Variants in MGAM2 observed in about 807,000 individuals in gnomAD.
MGAM2 encodes probable maltase-glucoamylase 2.
MGAM2 carries 98 observed loss-of-function variants against 96.1 expected under a neutral mutation model. The ratio of observed to expected loss-of-function variants is 1.02; its 90% CI spans 0.87 to 1.21. MGAM2 has a LOEUF of 1.21. Among genes scored for constraint, MGAM2 ranks in the 50% most tolerant of loss-of-function variants. The pLI is 0.00. For missense variants in MGAM2, 2,055 were observed against 1,182.4 expected (o/e 1.74, Z -10.82); for synonymous variants, 749 against 414.8 (o/e 1.81, Z -9.79).
At chr7:142,169,970 A>G (rs1235610739) in intron 26 of MGAM2, 105 bp from the exon 27 acceptor site, 4 of 579,180 alleles carry the variant, frequency 6.9e-6, no homozygotes. Flanking sequence ...GCCTACTGAT[A>G]TGGTGCAAAC....
At position 142,117,649 on chromosome 7, in the gene MGAM2, C is replaced by A. The variant is rs866121207; in HGVS notation, c.106+670C>A. ...AAGCTGTCCTGATGGCAGAACCCTA[C>A]CTGCTCCATCTCTTTTCACCTCTCT... On this transcript the variant is annotated intron_variant, in intron 2 of 47. Transcript: ENST00000477922. Among the ~76,000 whole-genome samples the A allele has an allele frequency of 6.3e-4, 96 of 152,260 alleles. 1 individual carries two copies. Among genetic ancestry groups the A allele is most frequent in the African/African-American group, 2.3e-3 (96 of 41,554 alleles).
intron 16 of MGAM2, 94 bp from the exon 17 acceptor site, chr7:142,154,635 C>T (rs887101814): frequency 3.0e-6 from 2 of 658,990 alleles, no homozygotes; most frequent in African/African-American, 3.6e-5. Flanking sequence ...GATGATGTGA[C>T]AAAGAGGTTC....
intron 46 of MGAM2, among the ~76,000 whole-genome samples, chr7:142,215,909 G>A (rs3020842): frequency 0.75 from 113,641 of 152,002 alleles, 42,698 homozygotes; most frequent in African/African-American, 0.83. Flanking sequence ...CTACTAGAAA[G>A]TATTCAATTA....
intron 12 of MGAM2, among the ~76,000 whole-genome samples, chr7:142,142,112 T>C (rs1475628536): frequency 1.3e-5 from 2 of 152,192 alleles, no homozygotes; most frequent in Non-Finnish European, 2.9e-5. Context: ...TACCAAAATC[T>C]GCCCACTTAA....
At chr7:142,153,733 C>T (rs1381846952) in intron 15 of MGAM2, among the ~76,000 whole-genome samples, 1 of 152,210 alleles carries the variant, frequency 6.6e-6, no homozygotes, top group African/African-American at 2.4e-5. Flanking sequence ...CAGACCACAA[C>T]CAGATCCAAC....
intron 2 of MGAM2, among the ~76,000 whole-genome samples, chr7:142,119,218 A>G (rs1426526006): frequency 1.3e-5 from 2 of 152,184 alleles, no homozygotes; most frequent in Non-Finnish European, 2.9e-5. Context: ...AAGAAATACT[A>G]CAAATCCAAA....
intron 37 of MGAM2, among the ~76,000 whole-genome samples, chr7:142,190,860 C>T (rs988018083): frequency 4.0e-5 from 6 of 151,782 alleles, no homozygotes; most frequent in Non-Finnish European, 7.4e-5. Flanking sequence ...TGTGGCCAGG[C>T]GTGGTGGCTC....
At chr7:142,191,125 A>C (rs1200956356) in intron 37 of MGAM2, among the ~76,000 whole-genome samples, 1 of 92,806 alleles carries the variant, frequency 1.1e-5, no homozygotes, top group Non-Finnish European at 2.1e-5. Context: ...AAGTAAGACT[A>C]TCTCTACAGA....
chr7:142,195,520 T>TG (rs1375717834), intron 37 of MGAM2, among the ~76,000 whole-genome samples: 1 of 87,130 alleles, frequency 1.1e-5, no homozygotes, highest in African/African-American at 4.1e-5. Flanking sequence ...CACACCCGGC[T>TG]AATTTTTTTT....
chr7:142,172,636 G>A lies in MGAM2; in HGVS notation c.3449-16G>A, dbSNP rs539381214. On this transcript the variant is annotated splice_polypyrimidine_tract_variant and intron_variant, in intron 29 of 47. Transcript: ENST00000477922. ...AACTCCAAGGATGTGCCTCATGTGT[G>A]TTGTTTTTCTTACAGATGTGACATT... 15 of 690,524 alleles carry A rather than the reference G, an allele frequency of 2.2e-5. No individual in the cohort carries two copies. The African/African-American group carries it at 2.5e-4, about 11-fold the overall frequency. The allele number at this position is 690,524 out of a possible 1,614,324, so 42.8% of individuals were successfully genotyped here.
intron 23 of MGAM2, among the ~76,000 whole-genome samples, chr7:142,162,403 C>T (rs951150168): frequency 1.4e-4 from 21 of 151,964 alleles, no homozygotes; most frequent in African/African-American, 3.4e-4. Context: ...GCCTTTGGCA[C>T]GGGTATAAAG....
At chr7:142,202,793 C>T (rs1263563973) in intron 45 of MGAM2, among the ~76,000 whole-genome samples, 9 of 152,046 alleles carry the variant, frequency 5.9e-5, no homozygotes, top group Admixed American at 5.2e-4. Flanking sequence ...GCACATGGGT[C>T]CTTTTGGTAG....
At chr7:142,171,020 T>C (rs1334008660) in intron 27 of MGAM2, 1 of 517,894 alleles carries the variant, frequency 1.9e-6, no homozygotes, top group African/African-American at 1.9e-5. Context: ...GAAGAATGAG[T>C]TATGGCCCTT....
rs1455492482 is a variant in MGAM2 at position 142,160,240 on chromosome 7, A to G, written c.2327A>G (p.Asn776Ser). Residue 776 changes from asparagine (N) to serine (S), a missense_variant, in exon 21 of 48, where the codon AAC becomes AGC. Asn to Ser is a conservative substitution (Grantham distance 46, BLOSUM62 1). Coordinates refer to ENST00000477922, the MANE Select transcript of MGAM2 (RefSeq NM_001293626.2). Reference protein sequence around the residue: ...GGYIFPTQKPNTTTEASRRNS... With the variant: ...GGYIFPTQKPSTTTEASRRNS... ...TACATATTTCCCACTCAGAAGCCAA[A>G]CACAACCACAGAAGCCAGGTAAGCT... 7 of 701,650 alleles carry G rather than the reference A, an allele frequency of 1.0e-5. No individual in the cohort carries two copies. The highest frequency in any genetic ancestry group is 1.6e-5 in the Non-Finnish European group (6 of 384,330). 43.5% of individuals were successfully genotyped at this position (701,650 alleles called of 1,614,324 possible).
chr7:142,175,608 C>T (rs1217223656), intron 31 of MGAM2, 44 bp from the exon 32 acceptor site: 7 of 698,312 alleles, frequency 1.0e-5, no homozygotes, highest in Non-Finnish European at 1.8e-5. Context: ...CCCTGCAGGG[C>T]ACCTACTGCA....
Position 142,168,578 on chromosome 7 carries a change from C to T in MGAM2, c.3027+1092C>T, listed in dbSNP as rs150807199. On this transcript the variant is annotated intron_variant, in intron 26 of 47. Coordinates refer to ENST00000477922, the MANE Select transcript of MGAM2 (RefSeq NM_001293626.2). ...AGCCACCACGCCCGGCCTCGAGAAT[C>T]TGCATTTCTAACAAGCTCCCAGGTA... is the stretch of plus-strand genomic sequence containing the variant. 4.6e-5 allele frequency among the ~76,000 whole-genome samples: 7 copies of T among 152,234 alleles called. No homozygotes were observed. The East Asian group carries it at 1.4e-3, about 29-fold the overall frequency.
At chr7:142,144,833 A>G (rs1795337075) in intron 13 of MGAM2, 28 bp from the exon 14 acceptor site, 3 of 692,468 alleles carry the variant, frequency 4.3e-6, no homozygotes, top group African/African-American at 1.8e-5. Flanking sequence ...ATCGCATTTT[A>G]CACTTTGTGT....
At chr7:142,170,820 C>T (rs943000445) in intron 27 of MGAM2, among the ~76,000 whole-genome samples, 1 of 152,202 alleles carries the variant, frequency 6.6e-6, no homozygotes, top group Non-Finnish European at 1.5e-5. Flanking sequence ...CTGTGTATGT[C>T]TTCTCTCTTG....
At chr7:142,119,383 C>A (rs1794489519) in intron 2 of MGAM2, among the ~76,000 whole-genome samples, 1 of 151,990 alleles carries the variant, frequency 6.6e-6, no homozygotes, top group African/African-American at 2.4e-5. Context: ...ACTTTCACAC[C>A]CACTATGATG....
Sources: allele counts gnomAD v4.1 joint callset (sites outside exome capture counted in the v4.1 genomes callset), GRCh38; gene constraint gnomAD v4.1.1; transcripts MANE v1.5; gene names NCBI Gene and HGNC (gene_info 2026-07-23, HGNC 2026-07-21).